Variants in CDHR3 observed in about 807,000 individuals in gnomAD.
CDHR3 encodes cadherin-related family member 3.
Under a neutral mutation model 86.6 loss-of-function variants are expected in CDHR3, and 79 were observed. The ratio of observed to expected loss-of-function variants is 0.91; its 90% CI spans 0.76 to 1.10. The LOEUF is 1.10. CDHR3 is among the 50% of genes least tolerant of loss of function. The pLI is 0.00. For synonymous variants in CDHR3, 421 were observed against 402.4 expected, an observed-to-expected ratio of 1.05 and a Z score of -0.55; for missense variants, 1,081 against 1,077.6, an observed-to-expected ratio of 1.00 and a Z score of -0.04.
At position 106,015,875 on chromosome 7, in the gene CDHR3, A is replaced by T. The variant is rs113012880; in HGVS notation, c.1328-52A>T. The T allele has an allele frequency of 9.4e-6, 12 of 1,281,356 alleles. No homozygotes were observed. In the African/African-American group the frequency reaches 1.0e-4, roughly 11 times the overall value. The allele number at this position is 1,281,356 out of a possible 1,614,324, so 79.4% of individuals were successfully genotyped here. On this transcript the variant is annotated intron_variant, in intron 10 of 18. Transcript: ENST00000317716. ...GATTCTTTAAAGATGTTGAATAAAC[A>T]AATGGATGAGTATGGATTTGTGATT... is the stretch of plus-strand genomic sequence containing the variant.
At chr7:105,984,508 A>G (rs1830244112) in intron 4 of CDHR3, among the ~76,000 whole-genome samples, 1 of 152,164 alleles carries the variant, frequency 6.6e-6, no homozygotes, top group Non-Finnish European at 1.5e-5. Flanking sequence ...ATCTAGGCCC[A>G]TTTGTTACCT....
chr7:106,009,388 C>G (rs1007735978), intron 8 of CDHR3, among the ~76,000 whole-genome samples: 1 of 152,218 alleles, frequency 6.6e-6, no homozygotes, highest in Admixed American at 6.5e-5. Flanking sequence ...GCAGCACCCG[C>G]CATCCTCCCA....
chr7:106,018,395 C>A (rs547082894), intron 12 of CDHR3, among the ~76,000 whole-genome samples: 1 of 152,026 alleles, frequency 6.6e-6, no homozygotes, highest in Non-Finnish European at 1.5e-5. Context: ...CACCACCGTG[C>A]GCAGCTAATT....
intron 1 of CDHR3, among the ~76,000 whole-genome samples, chr7:105,973,822 C>A (rs1444623838): frequency 6.6e-6 from 1 of 152,092 alleles, no homozygotes; most frequent in African/African-American, 2.4e-5. Flanking sequence ...CAAAAATTAG[C>A]CAGGCATGGT....
intron 1 of CDHR3, among the ~76,000 whole-genome samples, chr7:105,969,261 A>T (rs879580737): frequency 2.3e-4 from 33 of 141,524 alleles, no homozygotes; most frequent in Non-Finnish European, 3.4e-4. Context: ...TAGCCGGGCG[A>T]GGTGGCGGGC....
chr7:105,991,400 A>T (rs1272589852), intron 4 of CDHR3, among the ~76,000 whole-genome samples: 1 of 152,190 alleles, frequency 6.6e-6, no homozygotes, highest in Non-Finnish European at 1.5e-5. Flanking sequence ...AGAAAAAAAA[A>T]ATCAAGATTC....
At position 106,024,497 on chromosome 7, in the gene CDHR3, C is replaced by T. The variant is rs756329926; in HGVS notation, c.2193C>T (p.Val731=). The change falls in exon 15 of 19, where the codon GTC becomes GTT. Residue 731 remains valine (V), a synonymous_variant. Transcript: ENST00000317716. Reference sequence around the variant, plus strand: ...TTCTGGGTCTCCTCGTGTACCTGGTCGTCCTATTGGCCAAAGCCATCCACA... The same window carrying T: ...TTCTGGGTCTCCTCGTGTACCTGGTTGTCCTATTGGCCAAAGCCATCCACA... ...ILLLGLLVYL[V]VLLAKAIHRH... 9.3e-6 allele frequency: 15 copies of T among 1,614,012 alleles called. No individual in the cohort carries two copies. Among genetic ancestry groups the T allele is most frequent in the Non-Finnish European group, 3.4e-6 (4 of 1,179,894 alleles).
chr7:105,994,344 G>A (rs921261393), intron 4 of CDHR3, among the ~76,000 whole-genome samples: 1 of 152,080 alleles, frequency 6.6e-6, no homozygotes, highest in Non-Finnish European at 1.5e-5. Flanking sequence ...CTAGTGGGTA[G>A]TAGCTGTATT....
At chr7:105,973,742 G>A (rs1828337352) in intron 1 of CDHR3, among the ~76,000 whole-genome samples, 1 of 152,274 alleles carries the variant, frequency 6.6e-6, no homozygotes, top group South Asian at 2.1e-4. Flanking sequence ...TGAGGCAGGT[G>A]GATCACTTGA....
intron 15 of CDHR3, 142 bp downstream of exon 15, chr7:106,024,704 G>T: frequency 1.2e-6 from 1 of 823,114 alleles, no homozygotes; most frequent in Non-Finnish European, 1.9e-6. Flanking sequence ...AGGAGATACG[G>T]GGGAAGGAAT....
intron 8 of CDHR3, among the ~76,000 whole-genome samples, chr7:106,011,109 T>C (rs1453242767): frequency 6.6e-6 from 1 of 152,234 alleles, no homozygotes; most frequent in African/African-American, 2.4e-5. Context: ...ACAGCCACGA[T>C]ATATTTTTGT....
chr7:106,032,742 A>G lies in CDHR3; in HGVS notation c.*45A>G, dbSNP rs767674814. The G allele has an allele frequency of 8.4e-6, 13 of 1,546,406 alleles. No homozygotes were observed. In the African/African-American group the frequency reaches 1.8e-4, roughly 21 times the overall value. ...CTGTCAATCACTGAGATGCTGCCTC[A>G]CCCTAAATTCTATGGGGATGGTGTG... On this transcript the variant is annotated 3_prime_UTR_variant, in exon 19 of 19. Transcript: ENST00000317716.
chr7:105,987,129 G>C (rs1194265528), intron 4 of CDHR3, among the ~76,000 whole-genome samples: 1 of 152,142 alleles, frequency 6.6e-6, no homozygotes, highest in Non-Finnish European at 1.5e-5. Context: ...AGATCAGGTA[G>C]CTACCCTTTC....
At chr7:106,028,380 TGAGAAGA>T in intron 16 of CDHR3, 164 bp from the exon 17 acceptor site, 5 of 734,510 alleles carry the variant, frequency 6.8e-6, no homozygotes, top group South Asian at 3.1e-5. Flanking sequence ...TATTTTTTTC[TGAGAAGA>T]TGGAAAGTTG....
intron 6 of CDHR3, among the ~76,000 whole-genome samples, chr7:105,998,883 T>C (rs1222247567): frequency 1.3e-5 from 2 of 152,220 alleles, no homozygotes; most frequent in Admixed American, 1.3e-4. Flanking sequence ...CACTTTATTT[T>C]AGAGTTGGGT....
intron 2 of CDHR3, among the ~76,000 whole-genome samples, chr7:105,976,202 C>G (rs1192319710): frequency 6.6e-6 from 1 of 152,300 alleles, no homozygotes; most frequent in East Asian, 1.9e-4. Context: ...TAAGCCTTGT[C>G]AATTGCTTAC....
Position 106,030,866 on chromosome 7 carries a change from AG to A in CDHR3, c.2353+27del, listed in dbSNP as rs1305756049. On this transcript the variant is annotated intron_variant, in intron 18 of 18. Coordinates refer to ENST00000317716, the MANE Select transcript of CDHR3 (RefSeq NM_152750.5). This position sits in a 1 kb window ranked among gnomAD's most constrained non-coding sequence, Gnocchi z 4.8. The stretch of plus-strand genomic sequence containing the variant: ...GTAATTAAGTGGCAATACCACTGTA[AG>A]AATGCTTTTTATATTCCAGACTGGT... 9.4e-6 allele frequency: 15 copies of A among 1,596,184 alleles called. No individual in the cohort carries two copies. The Admixed American group carries it at 2.1e-4, about 22-fold the overall frequency.
intron 14 of CDHR3, 86 bp downstream of exon 14, chr7:106,022,534 G>A: frequency 6.5e-7 from 1 of 1,535,094 alleles, no homozygotes; most frequent in Non-Finnish European, 8.8e-7. Context: ...GGAGGTATGT[G>A]GGGTGGACTG....
Position 105,996,275 on chromosome 7 carries a change from G to C in CDHR3, c.634G>C (p.Asp212His), listed in dbSNP as rs1832199150. The C allele has an allele frequency of 1.3e-6, 2 of 1,595,410 alleles. No homozygotes were observed. The highest frequency in any genetic ancestry group is 1.7e-5 in the Admixed American group (1 of 59,664). The change falls in exon 6 of 19, where the codon GAC becomes CAC. Residue 212 changes from aspartate (D) to histidine (H), a missense_variant. Transcript: ENST00000317716. ...RSFHLIVEVR[D>H]SGGLKASTEL... ...TTTCCATCTCATCGTGGAGGTGAGG[G>C]ACAGTGGAGGCCTCAAAGCCTCCAC... is the stretch of plus-strand genomic sequence containing the variant.
Sources: allele counts gnomAD v4.1 joint callset (sites outside exome capture counted in the v4.1 genomes callset), GRCh38; gene constraint gnomAD v4.1.1; non-coding constraint Gnocchi (gnomAD v3.1); transcripts MANE v1.5; gene names NCBI Gene and HGNC (gene_info 2026-07-23, HGNC 2026-07-21).